The following IL1RAPL1 variants were observed in gnomAD, a reference collection of about 807,000 sequenced individuals.
IL1RAPL1 encodes the protein interleukin 1 receptor accessory protein like 1.
A neutral mutation model predicts 48.4 loss-of-function variants in IL1RAPL1; 3 were observed. The ratio of observed to expected loss-of-function variants is 0.06; its 90% CI spans 0.03 to 0.16. IL1RAPL1 has a LOEUF of 0.16. Among genes scored for constraint, IL1RAPL1 ranks in the 10% least tolerant of loss-of-function variants. The pLI is 1.00. For synonymous variants in IL1RAPL1, 185 were observed against 187.7 expected (o/e 0.99, Z 0.12); for missense variants, 349 against 530.6 (o/e 0.66, Z 3.36).
At chrX:28,945,320 G>A (rs182175138) in intron 2 of IL1RAPL1, among the ~76,000 whole-genome samples, 1 of 111,162 alleles carries the variant, frequency 9.0e-6, no homozygotes, top group East Asian at 2.9e-4. Flanking sequence ...TTACAGCACT[G>A]TTTACAATAG....
intron 5 of IL1RAPL1, among the ~76,000 whole-genome samples, chrX:29,457,020 G>C (rs895822932): frequency 9.2e-6 from 1 of 109,002 alleles, no homozygotes; most frequent in African/African-American, 3.3e-5. Context: ...TGTGGTCCCA[G>C]CTACTCAGGA....
intron 5 of IL1RAPL1, among the ~76,000 whole-genome samples, chrX:29,552,802 CTTT>C (rs765234944): frequency 2.2e-4 from 5 of 23,008 alleles, no homozygotes; most frequent in African/African-American, 7.1e-4. Flanking sequence ...TTTCACTCTC[CTTT>C]TTTTTTTTTT....
intron 2 of IL1RAPL1, among the ~76,000 whole-genome samples, chrX:28,967,865 A>G (rs977651814): frequency 8.9e-6 from 1 of 112,286 alleles, no homozygotes; most frequent in Non-Finnish European, 1.9e-5. Context: ...TGTAAAAATC[A>G]TCTTTACTTA....
chrX:29,082,530 A>G (rs911951071), intron 2 of IL1RAPL1, among the ~76,000 whole-genome samples: 3 of 112,245 alleles, frequency 2.7e-5, no homozygotes, highest in African/African-American at 6.5e-5. Context: ...CAAATGAGCC[A>G]TATTACAGTT....
At chrX:29,230,696 C>T in intron 2 of IL1RAPL1, among the ~76,000 whole-genome samples, 1 of 109,389 alleles carries the variant, frequency 9.1e-6, no homozygotes, top group Non-Finnish European at 1.9e-5. Context: ...ATGAAATGAC[C>T]ACAAGTTAAT....
At chrX:29,728,531 A>G (rs1351991189) in intron 6 of IL1RAPL1, among the ~76,000 whole-genome samples, 1 of 111,962 alleles carries the variant, frequency 8.9e-6, no homozygotes, top group African/African-American at 3.3e-5. Flanking sequence ...TTAGAACAGA[A>G]AATATTTTGT....
In IL1RAPL1 at chrX:29,357,069, G is replaced by T. The variant is rs185951559; in HGVS notation, c.363-39189G>T. 3.4e-4 allele frequency among the ~76,000 whole-genome samples: 38 copies of T among 111,916 alleles called. No homozygotes were observed. In the East Asian group the frequency reaches 0.011, roughly 31 times the overall value. The stretch of plus-strand genomic sequence containing the variant: ...GAAAACCTGTACTACATGATAATTT[G>T]CTAGTTATGGTGTATGTATTGTAAA... On this transcript the variant is annotated intron_variant, in intron 3 of 10. Transcript: ENST00000378993.
At chrX:29,073,260 T>C (rs1356260020) in intron 2 of IL1RAPL1, among the ~76,000 whole-genome samples, 2 of 112,001 alleles carry the variant, frequency 1.8e-5, no homozygotes, top group Non-Finnish European at 3.8e-5. Flanking sequence ...TTTATTAAAC[T>C]TTTTCTTTGT....
intron 1 of IL1RAPL1, among the ~76,000 whole-genome samples, chrX:28,780,700 AG>A (rs1936414077): frequency 2.7e-5 from 3 of 110,095 alleles, no homozygotes; most frequent in Admixed American, 2.0e-4. Flanking sequence ...TTTTCAAATT[AG>A]GGAAACATAG....
chrX:29,402,093 C>T (rs1365463694), intron 5 of IL1RAPL1, among the ~76,000 whole-genome samples: 1 of 110,863 alleles, frequency 9.0e-6, no homozygotes, highest in South Asian at 3.9e-4. Context: ...CGGGTTTAAC[C>T]ATGTTGGCCA....
intron 2 of IL1RAPL1, among the ~76,000 whole-genome samples, chrX:29,018,691 G>A (rs1926295450): frequency 8.9e-6 from 1 of 111,846 alleles, no homozygotes; most frequent in Admixed American, 9.5e-5. Flanking sequence ...TTTGCCTTAT[G>A]TCACAGCATA....
intron 2 of IL1RAPL1, among the ~76,000 whole-genome samples, chrX:29,230,522 A>C (rs201046890): frequency 2.2e-4 from 20 of 90,808 alleles, no homozygotes; most frequent in East Asian, 2.2e-3. Context: ...AAAAAAAAAA[A>C]AAAAAAAAAA....
intron 6 of IL1RAPL1, among the ~76,000 whole-genome samples, chrX:29,789,594 T>C (rs1233945037): frequency 9.0e-6 from 1 of 111,510 alleles, no homozygotes; most frequent in East Asian, 2.8e-4. Flanking sequence ...TGTTTGTTTT[T>C]TTTCTGGCAA....
chrX:29,181,919 A>G (rs1412799977), intron 2 of IL1RAPL1, among the ~76,000 whole-genome samples: 1 of 111,876 alleles, frequency 8.9e-6, no homozygotes, highest in Admixed American at 9.6e-5. Context: ...TATAGTAAGT[A>G]TGTATTTGGT....
At chrX:29,403,240 T>C (rs1387501931) in intron 5 of IL1RAPL1, among the ~76,000 whole-genome samples, 1 of 112,349 alleles carries the variant, frequency 8.9e-6, no homozygotes, top group Non-Finnish European at 1.9e-5. Context: ...CTTTGCTTTA[T>C]AATCCAAATT....
chrX:28,852,667 G>T (rs1921693137), intron 2 of IL1RAPL1, among the ~76,000 whole-genome samples: 1 of 111,519 alleles, frequency 9.0e-6, no homozygotes, highest in African/African-American at 3.3e-5. Flanking sequence ...TTTGCCAAGA[G>T]ATATTCTGCA....
At chrX:29,078,949 T>C (rs1461109019) in intron 2 of IL1RAPL1, among the ~76,000 whole-genome samples, 1 of 112,243 alleles carries the variant, frequency 8.9e-6, no homozygotes, top group East Asian at 2.8e-4. Context: ...TAACATCTCA[T>C]GTGAATTTAA....
chrX:29,042,803 T>G (rs1926875357), intron 2 of IL1RAPL1, among the ~76,000 whole-genome samples: 1 of 112,007 alleles, frequency 8.9e-6, no homozygotes, highest in Non-Finnish European at 1.9e-5. Flanking sequence ...CAGACATTCT[T>G]TTGTTTCTTT....
At chrX:29,073,582 T>C (rs1927611153) in intron 2 of IL1RAPL1, among the ~76,000 whole-genome samples, 1 of 111,861 alleles carries the variant, frequency 8.9e-6, no homozygotes, top group African/African-American at 3.2e-5. Flanking sequence ...CTTCCTCGTT[T>C]CTTTATCATA....
Sources: gnomAD v4.1 joint callset for allele counts (sites outside exome capture counted in the v4.1 genomes callset) on GRCh38, gnomAD v4.1.1 for gene constraint, MANE v1.5 for transcripts, NCBI Gene and HGNC (gene_info 2026-07-23, HGNC 2026-07-21) for gene names.